RAB27A: variants seen among roughly 807,000 people sequenced by gnomAD.
RAB27A encodes the protein RAB27A, member RAS oncogene family, also known as ras-related protein Rab-27A.
A neutral mutation model predicts 20.8 loss-of-function variants in RAB27A; 17 were observed. The ratio of observed to expected loss-of-function variants is 0.82; its 90% CI spans 0.56 to 1.23. The LOEUF is 1.23. RAB27A is among the 50% of genes most tolerant of loss of function. The pLI is 0.00. For missense variants in RAB27A, 277 were observed against 266.7 expected (o/e 1.04, Z -0.27); for synonymous variants, 85 against 92.8 (o/e 0.92, Z 0.48).
At chr15:55,307,492 T>C (rs2141144987) in intron 2 of RAB27A, among the ~76,000 whole-genome samples, 1 of 152,102 alleles carries the variant, frequency 6.6e-6, no homozygotes, top group South Asian at 2.1e-4. Context: ...GCAGTGTAAG[T>C]GATATTCTAT....
chr15:55,252,665 T>C (rs1435752042), intron 2 of RAB27A, among the ~76,000 whole-genome samples: 1 of 151,676 alleles, frequency 6.6e-6, no homozygotes, highest in African/African-American at 2.4e-5. Flanking sequence ...AAGCTATTGA[T>C]TGATAGACAG....
upstream of RAB27A, among the ~76,000 whole-genome samples, chr15:55,294,607 A>AAG (rs1396155752): frequency 1.3e-5 from 2 of 150,928 alleles, no homozygotes; most frequent in East Asian, 3.9e-4. Flanking sequence ...AAAAAAAAAA[A>AAG]AAAAAAGGAA....
At chr15:55,317,600 A>G (rs2055059148) in intron 1 of RAB27A, 2 of 396,086 alleles carry the variant, frequency 5.0e-6, no homozygotes, top group Non-Finnish European at 8.9e-6. Flanking sequence ...GGCGTGAGCC[A>G]CTGCGCCAGG....
chr15:55,217,759 A>T (rs983651640), intron 6 of RAB27A, among the ~76,000 whole-genome samples: 5 of 149,842 alleles, frequency 3.3e-5, no homozygotes, highest in African/African-American at 1.2e-4. Context: ...TTTTCTCCAC[A>T]TGGTGGTGCT....
intron 2 of RAB27A, among the ~76,000 whole-genome samples, chr15:55,313,310 A>G (rs1286456472): frequency 6.6e-6 from 1 of 152,174 alleles, no homozygotes; most frequent in African/African-American, 2.4e-5. Context: ...CGATGAGACG[A>G]GCGGAATCAC....
intron 6 of RAB27A, among the ~76,000 whole-genome samples, chr15:55,223,585 C>T (rs76662419): frequency 6.6e-6 from 1 of 152,208 alleles, no homozygotes; most frequent in African/African-American, 2.4e-5. Context: ...CAGGAGTCTC[C>T]TATTTGCATC....
At chr15:55,274,794 T>TTTTATATATATA (rs1491185564) in intron 1 of RAB27A, among the ~76,000 whole-genome samples, 54 of 52,152 alleles carry the variant, frequency 1.0e-3, no homozygotes, top group Non-Finnish European at 1.3e-3. Context: ...AATAAATAAA[T>TTTTATATATATA]TATATATATA....
intron 2 of RAB27A, among the ~76,000 whole-genome samples, chr15:55,267,834 G>T (rs551712832): frequency 1.3e-5 from 2 of 152,154 alleles, no homozygotes; most frequent in African/African-American, 4.8e-5. Context: ...TGAAACAGCC[G>T]CAGAGAGAGG....
intron 2 of RAB27A, among the ~76,000 whole-genome samples, chr15:55,252,620 AAAT>A (rs1294674632): frequency 2.0e-5 from 3 of 151,948 alleles, no homozygotes; most frequent in African/African-American, 7.3e-5. Context: ...GTACAGAATA[AAAT>A]AATAATTCAT....
intron 2 of RAB27A, among the ~76,000 whole-genome samples, chr15:55,254,151 T>A (rs1896997319): frequency 1.3e-5 from 2 of 152,222 alleles, no homozygotes; most frequent in Non-Finnish European, 2.9e-5. Flanking sequence ...AAAGTTAGAC[T>A]TTATATACCA....
chr15:55,274,064 G>A (rs957909833), intron 1 of RAB27A, among the ~76,000 whole-genome samples: 3 of 152,082 alleles, frequency 2.0e-5, no homozygotes, highest in Non-Finnish European at 2.9e-5. Flanking sequence ...TGACCACACC[G>A]ATATGTAACT....
chr15:55,219,307 T>A (rs1477021318), intron 6 of RAB27A, among the ~76,000 whole-genome samples: 1 of 152,192 alleles, frequency 6.6e-6, no homozygotes, highest in Non-Finnish European at 1.5e-5. Flanking sequence ...GCATGGATTT[T>A]CCAATGAGAA....
chr15:55,265,168 G>A lies in RAB27A; in HGVS notation c.-23+4997C>T, dbSNP rs145445538. ...GAGGCAGGAGAAACATTTGAACCCA[G>A]GAGGCGGAGGTTGCAGCCAGCCGAG... On this transcript the variant is annotated intron_variant, in intron 2 of 6. Coordinates refer to ENST00000336787, the MANE Select transcript of RAB27A (RefSeq NM_183235.3). Among the ~76,000 whole-genome samples the A allele has an allele frequency of 5.0e-3, 766 of 152,260 alleles. 13 individuals carry two copies. The highest frequency in any genetic ancestry group is 0.017 in the African/African-American group (724 of 41,552).
rs143142902 is a variant in RAB27A at position 55,281,943 on chromosome 15, T to C, written c.-143+7773A>G. ...CTCCTCAAGAGTGTGAGTTCCTTTT[T>C]TGGGACATCACTGGCTTTGTGTGAA... On this transcript the variant is annotated intron_variant, in intron 1 of 6. Coordinates refer to ENST00000336787, the MANE Select transcript of RAB27A (RefSeq NM_183235.3). Among the ~76,000 whole-genome samples, 1,123 of 152,278 alleles carry C rather than the reference T, an allele frequency of 7.4e-3. 10 individuals are homozygous for C. Among genetic ancestry groups the C allele is most frequent in the Non-Finnish European group, 0.012 (787 of 67,998 alleles).
intron 5 of RAB27A, among the ~76,000 whole-genome samples, chr15:55,225,054 T>C (rs1248484775): frequency 6.6e-6 from 1 of 152,222 alleles, no homozygotes; most frequent in Non-Finnish European, 1.5e-5. Context: ...GTGTACCATT[T>C]CATGAAAAGC....
chr15:55,213,591 C>T (rs1595674441), intron 6 of RAB27A, among the ~76,000 whole-genome samples: 1 of 152,174 alleles, frequency 6.6e-6, no homozygotes, highest in South Asian at 2.1e-4. Flanking sequence ...ACAGCTGCTC[C>T]CCATCACTCA....
At chr15:55,243,658 C>G (rs570442412) in intron 2 of RAB27A, among the ~76,000 whole-genome samples, 12 of 151,962 alleles carry the variant, frequency 7.9e-5, no homozygotes, top group African/African-American at 2.9e-4. Context: ...TCTCTGACAT[C>G]ATGTCTCTGT....
intron 1 of RAB27A, among the ~76,000 whole-genome samples, chr15:55,275,987 C>T (rs1014527536): frequency 1.4e-5 from 2 of 147,404 alleles, no homozygotes; most frequent in South Asian, 2.1e-4. Context: ...GAACCTTGTA[C>T]GCTGTTGGTG....
intron 2 of RAB27A, among the ~76,000 whole-genome samples, chr15:55,259,437 G>A (rs61505928): frequency 0.014 from 2,118 of 150,752 alleles, 54 homozygotes; most frequent in African/African-American, 0.049. Context: ...AGCATGAGTC[G>A]CCACGCCCAG....
Sources: gnomAD v4.1 joint callset for allele counts (sites outside exome capture counted in the v4.1 genomes callset) on GRCh38, gnomAD v4.1.1 for gene constraint, MANE v1.5 for transcripts, NCBI Gene and HGNC (gene_info 2026-07-23, HGNC 2026-07-21) for gene names.